The following C19orf47 variants were observed in gnomAD, a reference collection of about 807,000 sequenced individuals.
C19orf47 encodes chromosome 19 open reading frame 47.
In C19orf47, 18 loss-of-function variants were observed where a neutral mutation model predicts 32.3. The observed-to-expected ratio is 0.56, with a 90% CI of 0.39 to 0.83. The LOEUF is 0.83. Among genes scored for constraint, C19orf47 ranks in the 40% least tolerant of loss-of-function variants. C19orf47 has a pLI of 0.00. For synonymous variants in C19orf47, 202 were observed against 211.1 expected (o/e 0.96, Z 0.37); for missense variants, 484 against 531.6 (o/e 0.91, Z 0.88).
rs149396415 is a variant in C19orf47 at position 40,322,236 on chromosome 19, G to A, written c.804C>T (p.Ala268=). The A allele has an allele frequency of 2.2e-4, 354 of 1,609,086 alleles. No individual in the cohort carries two copies. Among genetic ancestry groups the A allele is most frequent in the Non-Finnish European group, 3.0e-4 (349 of 1,180,006 alleles). ...TGACAGTCAGTGCTGGCTGGGGACT[G>A]GCCTTGGCTGGGCCCCGTCCTAGCT... ...LKKLGRGPAK[A]SPQPALTVKA... The change falls in exon 9 of 9, where the codon GCC becomes GCT. Residue 268 remains alanine (A), a synonymous_variant. Coordinates refer to ENST00000683109, the MANE Select transcript of C19orf47 (RefSeq NM_001256441.2).
At chr19:40,330,393 T>C (rs1469099505) in intron 5 of C19orf47, among the ~76,000 whole-genome samples, 1 of 151,856 alleles carries the variant, frequency 6.6e-6, no homozygotes, top group Non-Finnish European at 1.5e-5. Context: ...CATGCCCGGC[T>C]AATTTTTTTG....
chr19:40,311,206 G>A, the C19orf47 span, among the ~76,000 whole-genome samples: 2 of 151,914 alleles, frequency 1.3e-5, no homozygotes, highest in Non-Finnish European at 2.9e-5. Flanking sequence ...GAGAAACCCC[G>A]TCTCTACTAA....
chr19:40,293,997 G>A, the C19orf47 span, among the ~76,000 whole-genome samples: 1 of 152,046 alleles, frequency 6.6e-6, no homozygotes, highest in African/African-American at 2.4e-5. Flanking sequence ...GCACATGCCT[G>A]TAATTCCAGC....
intron 4 of C19orf47, 107 bp downstream of exon 4, chr19:40,336,003 G>A: frequency 1.1e-6 from 1 of 931,694 alleles, no homozygotes; most frequent in East Asian, 2.6e-5. Flanking sequence ...ACCAGCCCTG[G>A]AACCTGGGTC....
intron 7 of C19orf47, 138 bp downstream of exon 7, chr19:40,326,196 G>T: frequency 1.7e-6 from 2 of 1,200,834 alleles, no homozygotes; most frequent in Non-Finnish European, 2.3e-6. Flanking sequence ...CACCATCACT[G>T]TCCCCTTGGC....
At chr19:40,301,323 T>C in the C19orf47 span, among the ~76,000 whole-genome samples, 1 of 147,980 alleles carries the variant, frequency 6.8e-6, no homozygotes, top group Admixed American at 6.7e-5. Flanking sequence ...TTTTATTTAT[T>C]TATTTATTTA....
chr19:40,335,169 G>C (rs1243357655), intron 4 of C19orf47, among the ~76,000 whole-genome samples: 1 of 152,146 alleles, frequency 6.6e-6, no homozygotes, highest in Non-Finnish European at 1.5e-5. Context: ...TGGTGCTCAA[G>C]GCCACATATA....
chr19:40,304,177 C>T, the C19orf47 span, among the ~76,000 whole-genome samples: 9 of 152,226 alleles, frequency 5.9e-5, no homozygotes, highest in Non-Finnish European at 1.0e-4. Context: ...TGTCATCCAC[C>T]ACCAAATCAA....
At chr19:40,322,852 G>A (rs1236112854) in intron 8 of C19orf47, among the ~76,000 whole-genome samples, 1 of 152,306 alleles carries the variant, frequency 6.6e-6, no homozygotes, top group African/African-American at 2.4e-5. Flanking sequence ...CAGTCCAGTG[G>A]GGAAGACAGG....
At chr19:40,317,971 C>G (rs1165630473), downstream of C19orf47, among the ~76,000 whole-genome samples, 2 of 152,162 alleles carry the variant, frequency 1.3e-5, no homozygotes, top group Non-Finnish European at 2.9e-5. Flanking sequence ...CCACCTGCCT[C>G]AGCCTCCCAA....
At chr19:40,300,014 G>T in the C19orf47 span, among the ~76,000 whole-genome samples, 8 of 151,920 alleles carry the variant, frequency 5.3e-5, no homozygotes, top group Admixed American at 5.3e-4. Context: ...GGGTAACAGA[G>T]CGAAACTCCA....
At chr19:40,326,237 C>G in intron 7 of C19orf47, 97 bp downstream of exon 7, 1 of 1,518,660 alleles carries the variant, frequency 6.6e-7, no homozygotes, top group Non-Finnish European at 8.9e-7. Flanking sequence ...TTAGAACCTG[C>G]TTCTCAGCCA....
rs1227013744 is a variant in C19orf47 at position 40,322,077 on chromosome 19, T to C, written c.963A>G (p.Ala321=). 1 of 1,614,190 alleles carries C rather than the reference T, an allele frequency of 6.2e-7. No homozygotes were observed. Among genetic ancestry groups the C allele is most frequent in the East Asian group, 2.2e-5 (1 of 44,878 alleles). The change falls in exon 9 of 9, where the codon GCA becomes GCG. Residue 321 remains alanine (A), a synonymous_variant. Coordinates refer to ENST00000683109, the MANE Select transcript of C19orf47 (RefSeq NM_001256441.2). ...CCTGGGCCTCGGGCACAAGGGCAGC[T>C]GCGCCCAGTCTCTTGATGATGCTGA... is the stretch of plus-strand genomic sequence containing the variant. ...SKVSIIKRLG[A]AALVPEAQDS...
chr19:40,341,838 C>T lies in C19orf47; in HGVS notation c.19+1G>A. The T allele has an allele frequency of 6.5e-7, 1 of 1,536,142 alleles. No individual in the cohort carries two copies. The highest frequency in any genetic ancestry group is 1.2e-5 in the South Asian group (1 of 84,056). Reference sequence around the variant, plus strand: ...CCCTGGAGAGAAGGCCACAGACTCACCCATAGTCACGGAGACCATCGTCTC... The same window carrying T: ...CCCTGGAGAGAAGGCCACAGACTCATCCATAGTCACGGAGACCATCGTCTC... On this transcript the variant is annotated splice_donor_variant, in intron 2 of 8. Transcript: ENST00000683109. LOFTEE classifies it high-confidence loss of function.
At chr19:40,344,056 A>T (rs531825099) in intron 1 of C19orf47, among the ~76,000 whole-genome samples, 1 of 151,546 alleles carries the variant, frequency 6.6e-6, no homozygotes, top group South Asian at 2.1e-4. Context: ...TCAGTTTCCC[A>T]AAGTGCTGGG....
chr19:40,322,543 T>A (rs536114388), intron 8 of C19orf47, among the ~76,000 whole-genome samples, 167 bp from the exon 9 acceptor site: 134 of 152,276 alleles, frequency 8.8e-4, no homozygotes, highest in African/African-American at 3.0e-3. Flanking sequence ...TCCAGGGGAC[T>A]GGAGGAGCCC....
rs1258028859 is a variant in C19orf47, at chr19:40,319,990, C to G, written c.*1892G>C. ...TTCCTTGACCTTCCTCCCGTCTCCC[C>G]TTCTCTGTTAACAGCCGTTCCCCCA... On this transcript the variant is annotated 3_prime_UTR_variant, in exon 9 of 9. Coordinates refer to ENST00000683109, the MANE Select transcript of C19orf47 (RefSeq NM_001256441.2). 1.3e-5 allele frequency: 2 copies of G among 154,258 alleles called. No homozygotes were observed. The highest frequency in any genetic ancestry group is 4.8e-5 in the African/African-American group (2 of 41,448). 9.6% of individuals were successfully genotyped at this position (154,258 alleles called of 1,614,324 possible).
At chr19:40,307,092 T>C in the C19orf47 span, among the ~76,000 whole-genome samples, 1 of 56,634 alleles carries the variant, frequency 1.8e-5, no homozygotes, top group East Asian at 7.8e-4. Flanking sequence ...CCCGGCCCTT[T>C]TTTTTTTTTT....
At chr19:40,294,214 T>G in the C19orf47 span, among the ~76,000 whole-genome samples, 4 of 152,170 alleles carry the variant, frequency 2.6e-5, no homozygotes, top group Non-Finnish European at 5.9e-5. Flanking sequence ...TAGGACTGCT[T>G]CAGCAGCAGG....
Sources: allele counts gnomAD v4.1 joint callset (sites outside exome capture counted in the v4.1 genomes callset), GRCh38; gene constraint gnomAD v4.1.1; transcripts MANE v1.5; gene names NCBI Gene and HGNC (gene_info 2026-07-23, HGNC 2026-07-21).